Variants in CSMD1 observed in about 807,000 individuals in gnomAD.
The protein encoded by CSMD1 is CUB and Sushi multiple domains 1, also known as CUB and sushi domain-containing protein 1.
A neutral mutation model predicts 417.5 loss-of-function variants in CSMD1; 213 were observed. That is an observed-to-expected ratio of 0.51 (90% CI 0.46 to 0.57). CSMD1 has a LOEUF of 0.57. Among genes scored for constraint, CSMD1 ranks in the 20% least tolerant of loss-of-function variants. CSMD1 has a pLI of 0.00. For missense variants in CSMD1, 6,923 were observed against 4,529.7 expected (o/e 1.53, Z -15.17); for synonymous variants, 2,862 against 1,736.8 (o/e 1.65, Z -16.11).
chr8:3,780,548 T>C (rs1420400382), intron 5 of CSMD1, among the ~76,000 whole-genome samples: 2 of 152,192 alleles, frequency 1.3e-5, no homozygotes, highest in Non-Finnish European at 2.9e-5. Context: ...GTAATGAGCT[T>C]CAACAAACTA....
intron 3 of CSMD1, among the ~76,000 whole-genome samples, chr8:4,226,106 ACG>A (rs995681937): frequency 2.1e-5 from 3 of 145,446 alleles, no homozygotes; most frequent in South Asian, 2.2e-4. Flanking sequence ...ACACACACAC[ACG>A]CCAACACACA....
At chr8:4,141,630 C>T (rs532582706) in intron 3 of CSMD1, among the ~76,000 whole-genome samples, 40 of 146,082 alleles carry the variant, frequency 2.7e-4, no homozygotes, top group Non-Finnish European at 4.7e-4. Context: ...ATATTTTCAC[C>T]CTAATTCACA....
intron 5 of CSMD1, among the ~76,000 whole-genome samples, chr8:3,856,387 C>T (rs897035811): frequency 1.3e-5 from 2 of 152,158 alleles, no homozygotes; most frequent in African/African-American, 4.8e-5. Flanking sequence ...AACCTCTTTT[C>T]TTTATAAATT....
In CSMD1 at chr8:3,263,748, A is replaced by G. The variant is rs528606009; in HGVS notation, c.4153+20396T>C. 3.3e-5 allele frequency among the ~76,000 whole-genome samples: 5 copies of G among 152,318 alleles called. No homozygotes were observed. The South Asian group carries it at 1.0e-3, about 32-fold the overall frequency. On this transcript the variant is annotated intron_variant, in intron 26 of 69. Transcript: ENST00000635120. ...AATTAAGTTCTTAAGATGGCATTGTAAAGTCAACTAACTTTCTTTAATAAA... is the reference window on the plus strand; with the variant it reads ...AATTAAGTTCTTAAGATGGCATTGTGAAGTCAACTAACTTTCTTTAATAAA...
At chr8:4,972,300 A>C (rs1451355136) in intron 1 of CSMD1, among the ~76,000 whole-genome samples, 1 of 149,470 alleles carries the variant, frequency 6.7e-6, no homozygotes, top group East Asian at 1.9e-4. Flanking sequence ...TTTCATCTTG[A>C]ATTGTAATCC....
At chr8:3,311,682 T>C (rs909233824) in intron 23 of CSMD1, among the ~76,000 whole-genome samples, 24 of 152,218 alleles carry the variant, frequency 1.6e-4, no homozygotes, top group African/African-American at 5.8e-4. Context: ...GTATTACTTT[T>C]ACATCATTAT....
rs1372477578 is a variant in CSMD1, at chr8:3,981,518, A to AGT, written c.818+16384_818+16385insAC. On this transcript the variant is annotated intron_variant, in intron 5 of 69. Coordinates refer to ENST00000635120, the MANE Select transcript of CSMD1 (RefSeq NM_033225.6). ...AAAAAAGTAAAAAAAAAAAAAAAAA[A>AGT]AAAAAAAGAACATACAATTGTGTTT... Among the ~76,000 whole-genome samples, 739 of 151,304 alleles carry AGT rather than the reference A, an allele frequency of 4.9e-3. 2 individuals carry two copies. The highest frequency in any genetic ancestry group is 0.016 in the African/African-American group (666 of 41,240).
intron 5 of CSMD1, among the ~76,000 whole-genome samples, chr8:3,890,928 C>T (rs1224777144): frequency 1.3e-5 from 2 of 152,054 alleles, no homozygotes; most frequent in Non-Finnish European, 2.9e-5. Context: ...GTGCTAGCTA[C>T]TCTCTCATAC....
chr8:3,811,414 T>A (rs2720888), intron 5 of CSMD1, among the ~76,000 whole-genome samples: 12 of 152,228 alleles, frequency 7.9e-5, no homozygotes, highest in African/African-American at 1.9e-4. Context: ...AGTAAGGCAT[T>A]TGCTTCATGT....
intron 5 of CSMD1, among the ~76,000 whole-genome samples, chr8:3,870,021 A>G (rs1350719674): frequency 6.6e-6 from 1 of 152,172 alleles, no homozygotes; most frequent in Non-Finnish European, 1.5e-5. Context: ...AAATACATTA[A>G]ACAAAAAGTA....
At chr8:3,756,451 T>C (rs1018773913) in intron 5 of CSMD1, among the ~76,000 whole-genome samples, 18 of 151,790 alleles carry the variant, frequency 1.2e-4, no homozygotes, top group Non-Finnish European at 2.4e-4. Flanking sequence ...AATTCAAACA[T>C]AGAAAATTTA....
At chr8:4,462,359 G>A (rs1182146815) in intron 2 of CSMD1, among the ~76,000 whole-genome samples, 4 of 152,082 alleles carry the variant, frequency 2.6e-5, no homozygotes, top group Admixed American at 6.5e-5. Context: ...CTAAATAAAT[G>A]GAAAAATATT....
chr8:3,460,241 G>A (rs1268886489), intron 12 of CSMD1, among the ~76,000 whole-genome samples: 2 of 152,136 alleles, frequency 1.3e-5, no homozygotes, highest in African/African-American at 4.8e-5. Context: ...TACATGGTGA[G>A]TCCATAGAAG....
At chr8:3,746,761 C>T (rs772998815) in intron 6 of CSMD1, among the ~76,000 whole-genome samples, 5 of 152,108 alleles carry the variant, frequency 3.3e-5, no homozygotes, top group Admixed American at 6.5e-5. Flanking sequence ...AGAAGCTGTT[C>T]AGAATGAACT....
intron 26 of CSMD1, among the ~76,000 whole-genome samples, chr8:3,281,243 C>T (rs1802712790): frequency 1.3e-5 from 2 of 152,060 alleles, no homozygotes; most frequent in Admixed American, 1.3e-4. Context: ...AGGAGTTTGA[C>T]ACTAGCCTGG....
At chr8:4,892,831 A>G (rs887211003) in intron 1 of CSMD1, among the ~76,000 whole-genome samples, 3 of 152,144 alleles carry the variant, frequency 2.0e-5, no homozygotes, top group Non-Finnish European at 4.4e-5. Context: ...ACTCCATAGT[A>G]TAAACACACC....
chr8:3,343,708 T>A (rs527412642), intron 22 of CSMD1, among the ~76,000 whole-genome samples: 1 of 152,328 alleles, frequency 6.6e-6, no homozygotes, highest in Non-Finnish European at 1.5e-5. Context: ...AAGAGCTCTT[T>A]CTGTGTTCAT....
At position 4,549,783 on chromosome 8, in the gene CSMD1, G is replaced by C. The variant is rs189294527; in HGVS notation, c.302+87559C>G. ...GTGGTGGTTGACACTTGTAATCCTAGCTACTTGGGAGGCTGAGGCAGGAGA... is the reference window on the plus strand; with the variant it reads ...GTGGTGGTTGACACTTGTAATCCTACCTACTTGGGAGGCTGAGGCAGGAGA... On this transcript the variant is annotated intron_variant, in intron 2 of 69. Transcript: ENST00000635120. 2.6e-4 allele frequency among the ~76,000 whole-genome samples: 39 copies of C among 151,054 alleles called. No homozygotes were observed. The East Asian group carries it at 5.5e-3, about 21-fold the overall frequency.
At chr8:4,586,489 A>AC (rs773903371) in intron 2 of CSMD1, among the ~76,000 whole-genome samples, 5 of 152,200 alleles carry the variant, frequency 3.3e-5, no homozygotes, top group Non-Finnish European at 7.3e-5. Flanking sequence ...TAAAAATCAC[A>AC]CCTAGTTCCT....
Sources: allele counts gnomAD v4.1 joint callset (sites outside exome capture counted in the v4.1 genomes callset), GRCh38; gene constraint gnomAD v4.1.1; transcripts MANE v1.5; gene names NCBI Gene and HGNC (gene_info 2026-07-23, HGNC 2026-07-21).